Variants in ACAP2 observed in about 807,000 individuals in gnomAD.
ACAP2 encodes the protein arf-GAP with coiled-coil, ANK repeat and PH domain-containing protein 2.
In ACAP2, 39 loss-of-function variants were observed where a neutral mutation model predicts 115.8. The observed-to-expected ratio is 0.34, with a 90% CI of 0.26 to 0.44. ACAP2 has a LOEUF of 0.44. Among genes scored for constraint, ACAP2 ranks in the 20% least tolerant of loss-of-function variants. The pLI is 1.00. For missense variants in ACAP2, 662 were observed against 927.6 expected, an observed-to-expected ratio of 0.71 and a Z score of 3.72; for synonymous variants, 289 against 315.8, an observed-to-expected ratio of 0.92 and a Z score of 0.90.
intron 1 of ACAP2, among the ~76,000 whole-genome samples, chr3:195,408,686 T>C (rs1712993591): frequency 6.6e-6 from 1 of 152,046 alleles, no homozygotes; most frequent in Non-Finnish European, 1.5e-5. Flanking sequence ...TGAACACTGA[T>C]GCAAAAATTC....
intron 7 of ACAP2, 156 bp downstream of exon 7, chr3:195,336,776 G>C (rs1376868131): frequency 6.1e-6 from 4 of 653,426 alleles, no homozygotes; most frequent in Middle Eastern, 4.2e-4. Context: ...GAGACAAAAA[G>C]AAGTCCAGTG....
chr3:195,314,200 T>TG lies in ACAP2; in HGVS notation c.858-5364_858-5363insC, dbSNP rs1491405908. 2.2e-3 allele frequency among the ~76,000 whole-genome samples: 177 copies of TG among 82,190 alleles called. 1 individual carries two copies. The highest frequency in any genetic ancestry group is 0.011 in the Middle Eastern group (2 of 176). 53.9% of individuals were successfully genotyped at this position (82,190 alleles called of 152,430 possible). A position where few individuals can be genotyped will look rare whatever the true frequency, so the allele number is the denominator to read the frequency against. ...TTCCCTGAGGAAGAAAATTTTGTTG[T>TG]TTTTTTTTTTTTTAATTTTTGTGGG... is the stretch of plus-strand genomic sequence containing the variant. On this transcript the variant is annotated intron_variant, in intron 10 of 22. Coordinates refer to ENST00000326793, the MANE Select transcript of ACAP2 (RefSeq NM_012287.6).
At chr3:195,353,179 C>T (rs1731728337) in intron 4 of ACAP2, among the ~76,000 whole-genome samples, 1 of 151,780 alleles carries the variant, frequency 6.6e-6, no homozygotes, top group South Asian at 2.1e-4. Context: ...CATAAGGACA[C>T]TCAAGCATCC....
chr3:195,435,617 T>G (rs1715475962), intron 1 of ACAP2, among the ~76,000 whole-genome samples: 1 of 152,234 alleles, frequency 6.6e-6, no homozygotes, highest in African/African-American at 2.4e-5. Context: ...ATCCACTGTT[T>G]ACTTAGAAGT....
intron 13 of ACAP2, 104 bp downstream of exon 13, chr3:195,306,407 T>C: frequency 1.7e-6 from 1 of 582,140 alleles, no homozygotes; most frequent in Non-Finnish European, 2.9e-6. Flanking sequence ...TTACATAAAA[T>C]CATCTTCCAT....
At chr3:195,334,709 A>G (rs1289802779) in intron 7 of ACAP2, among the ~76,000 whole-genome samples, 1 of 152,218 alleles carries the variant, frequency 6.6e-6, no homozygotes, top group Non-Finnish European at 1.5e-5. Context: ...TGCAATGCTC[A>G]GTGTTGGTAA....
intron 4 of ACAP2, among the ~76,000 whole-genome samples, chr3:195,370,952 C>CAA (rs35365512): frequency 0.024 from 2,464 of 104,248 alleles, 63 homozygotes; most frequent in East Asian, 0.1. Context: ...AACTCTGTCT[C>CAA]AAAAAAAAAA....
In ACAP2 at chr3:195,323,375, AAT is replaced by A. The variant is rs1347196408; in HGVS notation, c.745-2564_745-2563del. Reference sequence around the variant, plus strand: ...AAAAGAGATTACTAGTTACAAAATCAATACAGAAAAATCAATTTTATCGCAAA... The same window carrying A: ...AAAAGAGATTACTAGTTACAAAATCAACAGAAAAATCAATTTTATCGCAAA... On this transcript the variant is annotated intron_variant, in intron 9 of 22. Transcript: ENST00000326793. Among the ~76,000 whole-genome samples the A allele has an allele frequency of 2.6e-5, 4 of 152,338 alleles. No individual in the cohort carries two copies. The East Asian group carries it at 7.7e-4, about 29-fold the overall frequency.
intron 4 of ACAP2, among the ~76,000 whole-genome samples, chr3:195,361,440 A>G (rs1732362870): frequency 6.8e-6 from 1 of 146,608 alleles, no homozygotes; most frequent in Non-Finnish European, 1.5e-5. Flanking sequence ...TGTCTCAAAA[A>G]AAAAAAGAAA....
chr3:195,362,619 A>T (rs1186467375), intron 4 of ACAP2, among the ~76,000 whole-genome samples: 1 of 152,146 alleles, frequency 6.6e-6, no homozygotes, highest in East Asian at 1.9e-4. Context: ...CAAATTAAAC[A>T]ACACATTAAA....
intron 15 of ACAP2, among the ~76,000 whole-genome samples, chr3:195,300,993 C>A (rs1728009834): frequency 6.6e-6 from 1 of 152,132 alleles, no homozygotes; most frequent in Non-Finnish European, 1.5e-5. Context: ...ACAGCCTGCA[C>A]AAGGGAGCGA....
chr3:195,417,086 T>C (rs1713795562), intron 1 of ACAP2, among the ~76,000 whole-genome samples: 2 of 148,018 alleles, frequency 1.4e-5, no homozygotes, highest in South Asian at 4.3e-4. Context: ...TAATTTTTTT[T>C]TTTTTTTTTT....
At chr3:195,344,765 C>T (rs1054254815) in intron 5 of ACAP2, among the ~76,000 whole-genome samples, 2 of 152,108 alleles carry the variant, frequency 1.3e-5, no homozygotes, top group African/African-American at 4.8e-5. Flanking sequence ...GTGATCCACC[C>T]GCCTCAGTCT....
At chr3:195,306,965 A>T (rs1577270744) in intron 12 of ACAP2, 1 of 366,350 alleles carries the variant, frequency 2.7e-6, no homozygotes, top group Admixed American at 4.3e-5. Flanking sequence ...TATGATTTCA[A>T]TTCATCATAA....
At position 195,316,564 on chromosome 3, in the gene ACAP2, A is replaced by T. The variant is rs568398294; in HGVS notation, c.857+4137T>A. On this transcript the variant is annotated intron_variant, in intron 10 of 22. Coordinates refer to ENST00000326793, the MANE Select transcript of ACAP2 (RefSeq NM_012287.6). ...AGGCATGCGCCACCACGTCCAGCTA[A>T]TTTTTTCTATTTTTAGTAAAGACAG... is the stretch of plus-strand genomic sequence containing the variant. Among the ~76,000 whole-genome samples, 22 of 151,836 alleles carry T rather than the reference A, an allele frequency of 1.4e-4. No individual in the cohort carries two copies. The South Asian group carries it at 3.5e-3, about 24-fold the overall frequency.
intron 5 of ACAP2, among the ~76,000 whole-genome samples, chr3:195,343,881 T>C (rs1731030338): frequency 6.6e-6 from 1 of 152,214 alleles, no homozygotes; most frequent in African/African-American, 2.4e-5. Context: ...AACTGTTATG[T>C]GTGCATTCTA....
At chr3:195,343,858 G>C (rs1326777411) in intron 5 of ACAP2, among the ~76,000 whole-genome samples, 1 of 152,132 alleles carries the variant, frequency 6.6e-6, no homozygotes, top group Non-Finnish European at 1.5e-5. Context: ...TCAACTCCTT[G>C]AAAGATGCCA....
chr3:195,407,011 G>C (rs1053227509), intron 1 of ACAP2, among the ~76,000 whole-genome samples: 4 of 151,834 alleles, frequency 2.6e-5, no homozygotes, highest in African/African-American at 9.7e-5. Flanking sequence ...TGTCTTTAAT[G>C]ACCCACCTTA....
chr3:195,314,652 C>A (rs767864925), intron 10 of ACAP2, among the ~76,000 whole-genome samples: 9 of 152,182 alleles, frequency 5.9e-5, no homozygotes, highest in Admixed American at 3.9e-4. Context: ...ATGTGTGGTA[C>A]CCTATGGTGA....
Sources: allele counts gnomAD v4.1 joint callset (sites outside exome capture counted in the v4.1 genomes callset), GRCh38; gene constraint gnomAD v4.1.1; transcripts MANE v1.5; gene names NCBI Gene and HGNC (gene_info 2026-07-23, HGNC 2026-07-21).